Variants in CIP2A observed in about 807,000 individuals in gnomAD.
CIP2A encodes protein CIP2A.
Under a neutral mutation model 110.9 loss-of-function variants are expected in CIP2A, and 103 were observed. That is an observed-to-expected ratio of 0.93 (90% CI 0.79 to 1.09). The LOEUF is 1.09. CIP2A is among the 50% of genes least tolerant of loss of function. The pLI, the probability that CIP2A is intolerant of heterozygous loss-of-function variation, is 0.00. For missense variants in CIP2A, 1,088 were observed against 1,038.4 expected, an observed-to-expected ratio of 1.05 and a Z score of -0.66; for synonymous variants, 381 against 361.6, an observed-to-expected ratio of 1.05 and a Z score of -0.61.
rs1033155512 is a variant in CIP2A at position 108,552,364 on chromosome 3, T to G, written c.2417A>C (p.Gln806Pro). 8 of 1,528,558 alleles carry G rather than the reference T, an allele frequency of 5.2e-6. No homozygotes were observed. The highest frequency in any genetic ancestry group is 2.2e-5 in the Admixed American group (1 of 45,654). The allele number at this position is 1,528,558 out of a possible 1,614,324, so 94.7% of individuals were successfully genotyped here. Residue 806 changes from glutamine (Q) to proline (P), a missense_variant, in exon 20 of 21, where the codon CAA (glutamine) becomes CCA (proline). Gln to Pro is a moderately conservative substitution (Grantham distance 76). Transcript: ENST00000295746. The part of the protein sequence containing the change: ...DREHKLANLH[Q>P]KTKVQEEKIK... ...CTTTTCTTCTTGTACTTTTGTTTTT[T>G]GATGCAAATCTTAAAAGAAAAAAAA...
In CIP2A at chr3:108,589,406, C is replaced by T. The variant is rs1348899894; in HGVS notation, c.-31G>A. The T allele has an allele frequency of 6.6e-7, 1 of 1,519,248 alleles. No individual in the cohort carries two copies. The highest frequency in any genetic ancestry group is 1.4e-5 in the African/African-American group (1 of 72,668). The allele number at this position is 1,519,248 out of a possible 1,614,324, so 94.1% of individuals were successfully genotyped here. ...CGGCCGCGGCCCGGCTTAGGGACCA[C>T]CACCGCCCAGCGTGCGCCGGCCTTT... On this transcript the variant is annotated 5_prime_UTR_variant, in exon 1 of 21. The change creates a new upstream start codon in the 5' untranslated region. Coordinates refer to ENST00000295746, the MANE Select transcript of CIP2A (RefSeq NM_020890.3).
At chr3:108,581,887 C>T (rs939266947) in intron 4 of CIP2A, among the ~76,000 whole-genome samples, 24 of 152,072 alleles carry the variant, frequency 1.6e-4, no homozygotes, top group African/African-American at 5.6e-4. Flanking sequence ...AGTTGCTTTA[C>T]AATTTTTTTT....
At position 108,550,994 on chromosome 3, in the gene CIP2A, A is replaced by T; in HGVS notation, c.*155T>A. The T allele has an allele frequency of 2.7e-6, 1 of 369,350 alleles. No individual in the cohort carries two copies. The highest frequency in any genetic ancestry group is 4.7e-6 in the Non-Finnish European group (1 of 214,992). 22.9% of individuals were successfully genotyped at this position (369,350 alleles called of 1,614,324 possible). ...ATTAAATTTCTATTCAAACTATCAA[A>T]TAAAAAACATGCAACAGATCAGGGT... On this transcript the variant is annotated 3_prime_UTR_variant, in exon 21 of 21. Coordinates refer to ENST00000295746, the MANE Select transcript of CIP2A (RefSeq NM_020890.3).
At position 108,582,217 on chromosome 3, in the gene CIP2A, A is replaced by C. The variant is rs755695698; in HGVS notation, c.358-15T>G. 5.2e-5 allele frequency: 54 copies of C among 1,048,368 alleles called. 1 individual carries two copies. The Middle Eastern group carries it at 9.3e-4, about 18-fold the overall frequency. 64.9% of individuals were successfully genotyped at this position (1,048,368 alleles called of 1,614,324 possible). A position where few individuals can be genotyped will look rare whatever the true frequency, so the allele number is the denominator to read the frequency against. Reference sequence around the variant, plus strand: ...AGTTGAATGCACTGAGAATAAGAAAATAGTTATAAATATAAAGATATAAAA... The same window carrying C: ...AGTTGAATGCACTGAGAATAAGAAACTAGTTATAAATATAAAGATATAAAA... On this transcript the variant is annotated splice_polypyrimidine_tract_variant and intron_variant, in intron 3 of 20. Coordinates refer to ENST00000295746, the MANE Select transcript of CIP2A (RefSeq NM_020890.3).
chr3:108,566,606 T>C lies in CIP2A; in HGVS notation c.1306A>G (p.Ile436Val), dbSNP rs1284688687. ...TTGACAGTTGTCAAGATTTTTGCAA[T>C]ATGCATTTTTAGTGTATCATCTCCA... ...LCGDDTLKMHIAKILTTVKCT... is the reference protein window; with the variant it reads ...LCGDDTLKMHVAKILTTVKCT... Residue 436 changes from isoleucine to valine, a missense_variant, in exon 11 of 21, where the codon ATT becomes GTT. Transcript: ENST00000295746. 7 of 1,605,562 alleles carry C rather than the reference T, an allele frequency of 4.4e-6. No homozygotes were observed. The African/African-American group carries it at 9.4e-5, about 22-fold the overall frequency.
rs553932981 is a variant in CIP2A, at chr3:108,551,087, C to A, written c.*62G>T. 4.8e-6 allele frequency: 3 copies of A among 630,262 alleles called. 1 individual carries two copies. Among genetic ancestry groups the A allele is most frequent in the Middle Eastern group, 4.0e-4 (1 of 2,490 alleles). The allele number at this position is 630,262 out of a possible 1,614,324, so 39.0% of individuals were successfully genotyped here. A position where few individuals can be genotyped will look rare whatever the true frequency, so the allele number is the denominator to read the frequency against. ...CAAATTAACTCCCCTACCCACCCCC[C>A]CTCCAATAGATAAATACATCAAAAA... On this transcript the variant is annotated 3_prime_UTR_variant, in exon 21 of 21. Coordinates refer to ENST00000295746, the MANE Select transcript of CIP2A (RefSeq NM_020890.3).
chr3:108,586,643 A>G (rs1055056091), intron 1 of CIP2A, among the ~76,000 whole-genome samples: 1 of 152,186 alleles, frequency 6.6e-6, no homozygotes, highest in Non-Finnish European at 1.5e-5. Context: ...CATCTTCATA[A>G]TAACTCTATA....
chr3:108,566,101 T>C (rs920366000), intron 11 of CIP2A, among the ~76,000 whole-genome samples: 1 of 151,762 alleles, frequency 6.6e-6, no homozygotes, highest in African/African-American at 2.4e-5. Context: ...GAGAGTTGTC[T>C]GTTATTAAAA....
chr3:108,575,597 T>TATATATACAC, intron 8 of CIP2A, among the ~76,000 whole-genome samples: 1 of 68,910 alleles, frequency 1.5e-5, no homozygotes, highest in African/African-American at 6.8e-5. Context: ...TATATATACG[T>TATATATACAC]GTATATATAC....
At position 108,579,413 on chromosome 3, in the gene CIP2A, C is replaced by T. The variant is rs2278911; in HGVS notation, c.686G>A (p.Arg229Gln). Residue 229 changes from arginine (R) to glutamine (Q), a missense_variant, in exon 7 of 21, where the codon CGA becomes CAA. Transcript: ENST00000295746. Reference sequence around the variant, plus strand: ...TAGTTGAAAAGTCTGATGAATGTTTCGAGCATGGAATAGCTTAAGGACAAA... The same window carrying T: ...TAGTTGAAAAGTCTGATGAATGTTTTGAGCATGGAATAGCTTAAGGACAAA... ...EEVGEKLFHA[R>Q]NIHQTFQLIF... The T allele has an allele frequency of 0.12, 193,619 of 1,605,506 alleles. 16,017 individuals carry two copies. The highest frequency in any genetic ancestry group is 0.53 in the East Asian group (23,441 of 44,614).
intron 12 of CIP2A, among the ~76,000 whole-genome samples, chr3:108,564,498 C>T (rs1192743102): frequency 1.3e-5 from 2 of 151,910 alleles, no homozygotes; most frequent in Non-Finnish European, 2.9e-5. Flanking sequence ...TAGTCTCCTC[C>T]ACTATGCTTT....
At chr3:108,575,283 TGTACGTACACACAC>T (rs1938538742) in intron 8 of CIP2A, among the ~76,000 whole-genome samples, 1 of 130,784 alleles carries the variant, frequency 7.6e-6, no homozygotes, top group Admixed American at 7.0e-5. Flanking sequence ...CACACACACG[TGTACGTACACACAC>T]GTGTACGTAC....
chr3:108,568,374 A>C, intron 9 of CIP2A, 60 bp from the exon 10 acceptor site: 1 of 1,398,364 alleles, frequency 7.2e-7, no homozygotes, highest in African/African-American at 1.5e-5. Context: ...ATACAGAAAA[A>C]GTCATCACTG....
At chr3:108,553,504 T>G in intron 19 of CIP2A, 144 bp downstream of exon 19, 1 of 704,636 alleles carries the variant, frequency 1.4e-6, no homozygotes, top group South Asian at 1.9e-5. Context: ...TTGTGAAACA[T>G]TATGTCAAGA....
chr3:108,579,384 A>G lies in CIP2A; in HGVS notation c.715T>C (p.Phe239Leu), dbSNP rs780048225. The change falls in exon 7 of 21, where the codon TTT becomes CTT. Residue 239 changes from phenylalanine (F) to leucine (L), a missense_variant. By Grantham distance (22) the Phe-to-Leu change is conservative. Coordinates refer to ENST00000295746, the MANE Select transcript of CIP2A (RefSeq NM_020890.3). ...CCATCACCGTTTATGAGAATATTAA[A>G]TATTAGTTGAAAAGTCTGATGAATG... is the stretch of plus-strand genomic sequence containing the variant. ...RNIHQTFQLI[F>L]NILINGDGTL... 1.2e-6 allele frequency: 2 copies of G among 1,607,706 alleles called. No homozygotes were observed. The highest frequency in any genetic ancestry group is 1.1e-5 in the South Asian group (1 of 90,678).
Position 108,553,718 on chromosome 3 carries a change from T to G in CIP2A, c.2337A>C (p.Gln779His), listed in dbSNP as rs781589591. ...TTCTCTGTTCTTCTTTCTCTATTAA[T>G]TGGGCAATACTTCTGAAGTTATTAA... The part of the protein sequence containing the change: ...LKEQNEKSIA[Q>H]LIEKEEQRKE... Residue 779 changes from glutamine to histidine, a missense_variant, in exon 19 of 21, where the codon CAA (glutamine) becomes CAC (histidine). Gln to His is a conservative substitution (Grantham distance 24). Transcript: ENST00000295746. 2.0e-6 allele frequency: 3 copies of G among 1,472,338 alleles called. No homozygotes were observed. Among genetic ancestry groups the G allele is most frequent in the Non-Finnish European group, 2.8e-6 (3 of 1,055,052 alleles). 91.2% of individuals were successfully genotyped at this position (1,472,338 alleles called of 1,614,324 possible).
chr3:108,563,121 C>A lies in CIP2A; in HGVS notation c.1634+5G>T. On this transcript the variant is annotated splice_donor_5th_base_variant and intron_variant, in intron 13 of 20. Coordinates refer to ENST00000295746, the MANE Select transcript of CIP2A (RefSeq NM_020890.3). ...AGAGATACACTGCAAATGATTACAA[C>A]TCACACTAAAGCAGGAAAATCTGGC... 1 of 1,564,520 alleles carries A rather than the reference C, an allele frequency of 6.4e-7. No individual in the cohort carries two copies. The highest frequency in any genetic ancestry group is 8.8e-7 in the Non-Finnish European group (1 of 1,135,150).
At chr3:108,557,959 T>G (rs2107317159) in intron 16 of CIP2A, among the ~76,000 whole-genome samples, 2 of 152,278 alleles carry the variant, frequency 1.3e-5, no homozygotes, top group Admixed American at 1.3e-4. Flanking sequence ...CCCAGCCCTT[T>G]GGATTTTATT....
intron 16 of CIP2A, among the ~76,000 whole-genome samples, chr3:108,558,853 G>A (rs967621367): frequency 3.3e-5 from 5 of 152,146 alleles, no homozygotes; most frequent in Non-Finnish European, 7.4e-5. Flanking sequence ...CAAAGAATGC[G>A]CAGAAATGAA....
Sources: gnomAD v4.1 joint callset for allele counts (sites outside exome capture counted in the v4.1 genomes callset) on GRCh38, gnomAD v4.1.1 for gene constraint, MANE v1.5 for transcripts, NCBI Gene and HGNC (gene_info 2026-07-23, HGNC 2026-07-21) for gene names.